The following MGAT4C variants were observed in gnomAD, a reference collection of about 807,000 sequenced individuals.
MGAT4C encodes the protein alpha-1,3-mannosyl-glycoprotein 4-beta-N-acetylglucosaminyltransferase C.
In MGAT4C, 19 loss-of-function variants were observed where a neutral mutation model predicts 40.1. That is an observed-to-expected ratio of 0.47 (90% CI 0.33 to 0.70). MGAT4C has a LOEUF of 0.70. Ranked by LOEUF, MGAT4C falls within the 30% of genes least tolerant of loss-of-function variation. The pLI is 0.02. For missense variants in MGAT4C, 491 were observed against 563.2 expected (o/e 0.87, Z 1.30); for synonymous variants, 181 against 187.1 (o/e 0.97, Z 0.27).
chr12:86,621,818 T>C (rs1307003259), intron 2 of MGAT4C, among the ~76,000 whole-genome samples: 1 of 152,220 alleles, frequency 6.6e-6, no homozygotes, highest in Non-Finnish European at 1.5e-5. Context: ...TTTGCAGTGA[T>C]GGAAAAGCCA....
chr12:86,101,587 A>G (rs911513324), intron 1 of MGAT4C, among the ~76,000 whole-genome samples: 1 of 151,978 alleles, frequency 6.6e-6, no homozygotes, highest in Admixed American at 6.6e-5. Flanking sequence ...AGCCCTCCTT[A>G]GAGACACATA....
chr12:86,516,738 AAAC>A (rs1958695777), intron 2 of MGAT4C, among the ~76,000 whole-genome samples: 1 of 152,184 alleles, frequency 6.6e-6, no homozygotes, highest in Non-Finnish European at 1.5e-5. Context: ...AGACTTATAT[AAAC>A]AACTGCTGCA....
intron 1 of MGAT4C, among the ~76,000 whole-genome samples, chr12:86,095,361 T>C (rs892245891): frequency 8.5e-5 from 13 of 152,080 alleles, no homozygotes; most frequent in Admixed American, 6.6e-4. Context: ...GGTATGGTTC[T>C]GAATGCATAT....
intron 3 of MGAT4C, among the ~76,000 whole-genome samples, chr12:86,393,326 C>T (rs764165078): frequency 5.3e-5 from 8 of 151,998 alleles, no homozygotes; most frequent in Non-Finnish European, 8.8e-5. Flanking sequence ...CATGTCTAAT[C>T]CACATGATGT....
At chr12:86,580,739 C>A (rs1960748147) in intron 2 of MGAT4C, among the ~76,000 whole-genome samples, 1 of 151,312 alleles carries the variant, frequency 6.6e-6, no homozygotes, top group South Asian at 2.1e-4. Flanking sequence ...AGACATATAC[C>A]AGTTAATAAC....
chr12:86,013,760 T>C (rs1888764387), intron 2 of MGAT4C: 6 of 983,964 alleles, frequency 6.1e-6, no homozygotes, highest in Non-Finnish European at 7.2e-6. Flanking sequence ...CCACAGAATC[T>C]TAGTGAAAAA....
chr12:86,331,344 TATAC>T, intron 4 of MGAT4C, among the ~76,000 whole-genome samples: 1 of 152,096 alleles, frequency 6.6e-6, no homozygotes, highest in East Asian at 1.9e-4. Context: ...TTACTGAAGT[TATAC>T]GCATGTACAA....
intron 2 of MGAT4C, among the ~76,000 whole-genome samples, chr12:86,443,237 A>C (rs1350420018): frequency 6.6e-6 from 1 of 151,726 alleles, no homozygotes. Flanking sequence ...TACACATGTA[A>C]ATTTCTGTTG....
chr12:86,465,209 C>T (rs1425859596), intron 2 of MGAT4C, among the ~76,000 whole-genome samples: 1 of 151,824 alleles, frequency 6.6e-6, no homozygotes, highest in East Asian at 1.9e-4. Flanking sequence ...AGCCATATAC[C>T]CTTCACAAAA....
At chr12:86,401,138 A>C (rs538702261) in intron 3 of MGAT4C, among the ~76,000 whole-genome samples, 17 of 152,098 alleles carry the variant, frequency 1.1e-4, no homozygotes, top group Non-Finnish European at 1.5e-5. Flanking sequence ...AGGTAACTTA[A>C]ATATTTTTGA....
intron 1 of MGAT4C, among the ~76,000 whole-genome samples, chr12:86,196,460 T>A (rs2135919043): frequency 6.6e-6 from 1 of 152,260 alleles, no homozygotes; most frequent in East Asian, 1.9e-4. Flanking sequence ...ACCCAGGAGG[T>A]GGCCCTCTTC....
chr12:86,295,632 T>A (rs1310312456), intron 4 of MGAT4C, among the ~76,000 whole-genome samples: 2 of 152,156 alleles, frequency 1.3e-5, no homozygotes, highest in Non-Finnish European at 2.9e-5. Context: ...TATTCTCTTA[T>A]CTGGCCCCAC....
At chr12:86,193,287 C>T (rs1889730271) in intron 1 of MGAT4C, among the ~76,000 whole-genome samples, 1 of 151,830 alleles carries the variant, frequency 6.6e-6, no homozygotes, top group Admixed American at 6.6e-5. Context: ...AAAATTACAG[C>T]ATGCTTCCTT....
At chr12:86,186,900 A>G (rs947543331) in intron 1 of MGAT4C, among the ~76,000 whole-genome samples, 1 of 152,140 alleles carries the variant, frequency 6.6e-6, no homozygotes, top group Admixed American at 6.6e-5. Flanking sequence ...TAAGAAGACA[A>G]AAGGGAAGCT....
At chr12:86,711,399 C>T (rs10776999) in intron 2 of MGAT4C, among the ~76,000 whole-genome samples, 118,745 of 151,822 alleles carry the variant, frequency 0.78, 47,672 homozygotes, top group Middle Eastern at 0.88. Flanking sequence ...CTCATATTTA[C>T]GGGGAGATGG....
chr12:86,697,896 T>A (rs1038540978), intron 2 of MGAT4C, among the ~76,000 whole-genome samples: 3 of 152,112 alleles, frequency 2.0e-5, no homozygotes, highest in African/African-American at 4.8e-5. Context: ...AGAATTATCT[T>A]TCTCCTATAA....
At chr12:86,147,551 T>G (rs1465080643) in intron 1 of MGAT4C, among the ~76,000 whole-genome samples, 1 of 152,200 alleles carries the variant, frequency 6.6e-6, no homozygotes, top group East Asian at 1.9e-4. Flanking sequence ...TATTAAATGT[T>G]TTAACAGTAC....
At chr12:86,760,571 T>A (rs891641046) in intron 1 of MGAT4C, among the ~76,000 whole-genome samples, 1 of 152,016 alleles carries the variant, frequency 6.6e-6, no homozygotes, top group Non-Finnish European at 1.5e-5. Flanking sequence ...ATACACAATA[T>A]GCAATGAAAC....
intron 2 of MGAT4C, among the ~76,000 whole-genome samples, chr12:86,596,349 T>C (rs1186572015): frequency 2.0e-5 from 3 of 152,134 alleles, no homozygotes; most frequent in Non-Finnish European, 4.4e-5. Context: ...ACTGCTTTTG[T>C]GAAACACAGG....
Sources: gnomAD v4.1 joint callset for allele counts (sites outside exome capture counted in the v4.1 genomes callset) on GRCh38, gnomAD v4.1.1 for gene constraint, MANE v1.5 for transcripts, NCBI Gene and HGNC (gene_info 2026-07-23, HGNC 2026-07-21) for gene names.